The following PAK2 variants were observed in gnomAD, a reference collection of about 807,000 sequenced individuals.
PAK2 encodes the protein serine/threonine-protein kinase PAK 2.
In PAK2, 21 loss-of-function variants were observed where a neutral mutation model predicts 65.9. That is an observed-to-expected ratio of 0.32 (90% CI 0.23 to 0.46). The LOEUF (loss-of-function observed/expected upper bound fraction) is 0.46, where lower values mean the gene tolerates loss of function less well. Among genes scored for constraint, PAK2 ranks in the 20% least tolerant of loss-of-function variants. PAK2 has a pLI of 1.00. For missense variants in PAK2, 324 were observed against 642.6 expected, an observed-to-expected ratio of 0.50 and a Z score of 5.36; for synonymous variants, 204 against 219.7, an observed-to-expected ratio of 0.93 and a Z score of 0.63.
At chr3:196,799,259 T>C (rs1218760117) in intron 2 of PAK2, among the ~76,000 whole-genome samples, 1 of 152,164 alleles carries the variant, frequency 6.6e-6, no homozygotes, top group Non-Finnish European at 1.5e-5. Flanking sequence ...CAATGAATGA[T>C]TAAAAAGGGA....
intron 11 of PAK2, among the ~76,000 whole-genome samples, chr3:196,815,686 C>A (rs888852527): frequency 6.6e-6 from 1 of 151,658 alleles, no homozygotes; most frequent in Non-Finnish European, 1.5e-5. Flanking sequence ...ACTCGGGAGG[C>A]TGAGACGGGA....
chr3:196,782,787 A>G lies in PAK2; in HGVS notation c.141A>G (p.Lys47=). 1 of 1,613,726 alleles carries G rather than the reference A, an allele frequency of 6.2e-7. No homozygotes were observed. Among genetic ancestry groups the G allele is most frequent in the Non-Finnish European group, 8.5e-7 (1 of 1,179,822 alleles). ...LKPLPSVPEE[K]KPRHKIISIF... ...CTTTGCCCTCTGTTCCAGAAGAGAAAAAGCCCAGGCATAAAATCATCTCCA... is the reference window on the plus strand; with the variant it reads ...CTTTGCCCTCTGTTCCAGAAGAGAAGAAGCCCAGGCATAAAATCATCTCCA... Residue 47 remains lysine (K), a synonymous_variant, in exon 2 of 15, where the codon AAA becomes AAG. Transcript: ENST00000327134.
chr3:196,764,601 A>C (rs1017552189), intron 1 of PAK2, among the ~76,000 whole-genome samples: 5 of 150,992 alleles, frequency 3.3e-5, no homozygotes, highest in African/African-American at 9.8e-5. Context: ...CCTGGGTGAC[A>C]GAGCGAGACT....
chr3:196,789,482 C>CTTTTT (rs60083205), intron 2 of PAK2, among the ~76,000 whole-genome samples: 1 of 150,454 alleles, frequency 6.6e-6, no homozygotes, highest in Non-Finnish European at 1.5e-5. Context: ...TTTCTTTTTT[C>CTTTTT]TTTTTTGTTT....
chr3:196,826,389 C>G (rs66806908), intron 13 of PAK2, among the ~76,000 whole-genome samples: 138,599 of 151,870 alleles, frequency 0.91, 63,484 homozygotes, highest in East Asian at 1. Context: ...AGTCAGGATG[C>G]TCTCAATCTC....
chr3:196,826,037 C>T (rs918884212), intron 13 of PAK2, among the ~76,000 whole-genome samples: 3 of 149,936 alleles, frequency 2.0e-5, no homozygotes, highest in Non-Finnish European at 3.0e-5. Flanking sequence ...TTTTTAGTAG[C>T]GATGGGGTTT....
At chr3:196,802,547 A>G (rs574778127) in intron 3 of PAK2, among the ~76,000 whole-genome samples, 2 of 152,154 alleles carry the variant, frequency 1.3e-5, no homozygotes, top group East Asian at 1.9e-4. Flanking sequence ...ACAGACTTAG[A>G]AAAAATAGAC....
chr3:196,807,860 G>A lies in PAK2; in HGVS notation c.655G>A (p.Asp219Asn). Residue 219 changes from aspartate to asparagine, a missense_variant, in exon 7 of 15, where the codon GAC becomes AAC. Asp to Asn is a conservative substitution (Grantham distance 23). This residue lies in a region of PAK2 where 183 missense variants were observed against 246.2 expected (regional missense o/e 0.74). Transcript: ENST00000327134. Reference protein sequence around the residue: ...SHVDGAAKSLDKQKKKTKMTD... With the variant: ...SHVDGAAKSLNKQKKKTKMTD... ...TGTTGATGGTGCTGCCAAGTCTTTA[G>A]ACAAACAGAAAAAGAAGACTAAGAT... is the stretch of plus-strand genomic sequence containing the variant. 1 of 1,611,314 alleles carries A rather than the reference G, an allele frequency of 6.2e-7. No individual in the cohort carries two copies. The highest frequency in any genetic ancestry group is 8.5e-7 in the Non-Finnish European group (1 of 1,177,688).
intron 10 of PAK2, among the ~76,000 whole-genome samples, chr3:196,813,818 C>T (rs1009146778): frequency 4.0e-5 from 6 of 151,882 alleles, no homozygotes; most frequent in African/African-American, 1.2e-4. Flanking sequence ...GGCATGGTGC[C>T]GCACACCTGT....
intron 4 of PAK2, 69 bp downstream of exon 4, chr3:196,803,233 C>G: frequency 7.9e-7 from 1 of 1,262,584 alleles, no homozygotes; most frequent in Non-Finnish European, 1.1e-6. Flanking sequence ...AAGATTACTC[C>G]TGGAAAAATG....
At chr3:196,779,850 T>C (rs1714649566) in intron 1 of PAK2, among the ~76,000 whole-genome samples, 1 of 152,224 alleles carries the variant, frequency 6.6e-6, no homozygotes, top group African/African-American at 2.4e-5. Flanking sequence ...TTTGTATTTT[T>C]CGTAGAGACA....
chr3:196,808,987 G>A (rs142627121), intron 7 of PAK2, among the ~76,000 whole-genome samples: 14 of 151,934 alleles, frequency 9.2e-5, no homozygotes, highest in South Asian at 2.1e-4. Context: ...CTATAATCTC[G>A]GTACGTTGGC....
intron 1 of PAK2, among the ~76,000 whole-genome samples, chr3:196,756,421 G>A (rs1239106773): frequency 2.0e-5 from 3 of 152,088 alleles, no homozygotes; most frequent in Non-Finnish European, 4.4e-5. Flanking sequence ...GCGTTCCACT[G>A]GGCCCTGTCA....
chr3:196,782,640 C>T lies in PAK2; in HGVS notation c.-7C>T. 1 of 1,556,498 alleles carries T rather than the reference C, an allele frequency of 6.4e-7. No individual in the cohort carries two copies. Among genetic ancestry groups the T allele is most frequent in the Non-Finnish European group, 8.7e-7 (1 of 1,144,372 alleles). ...TCCAATTCCAGGCCATTTCATAATT[C>T]TGAATCATGTCTGATAACGGAGAAC... On this transcript the variant is annotated 5_prime_UTR_variant, in exon 2 of 15. Transcript: ENST00000327134.
intron 1 of PAK2, among the ~76,000 whole-genome samples, chr3:196,755,274 G>T (rs1235822319): frequency 2.0e-5 from 3 of 151,970 alleles, no homozygotes; most frequent in Non-Finnish European, 4.4e-5. Context: ...TTTCACTTTG[G>T]TAGTAGGAGA....
chr3:196,779,820 GCCA>G (rs1560101512), intron 1 of PAK2, among the ~76,000 whole-genome samples: 1 of 152,102 alleles, frequency 6.6e-6, no homozygotes, highest in Non-Finnish European at 1.5e-5. Context: ...ACAGGCGTGC[GCCA>G]CCACACCTGA....
At chr3:196,792,762 A>G (rs937632906) in intron 2 of PAK2, among the ~76,000 whole-genome samples, 3 of 152,002 alleles carry the variant, frequency 2.0e-5, no homozygotes, top group African/African-American at 7.3e-5. Context: ...GAAGCATTCT[A>G]TTTACTCTCC....
intron 2 of PAK2, among the ~76,000 whole-genome samples, chr3:196,793,680 G>A (rs550704521): frequency 5.3e-5 from 8 of 152,082 alleles, no homozygotes; most frequent in East Asian, 3.8e-4. Flanking sequence ...CTGTATAATC[G>A]TCAAAGAGAG....
At position 196,782,616 on chromosome 3, in the gene PAK2, C is replaced by T; in HGVS notation, c.-21-10C>T. ...TACTTTGTTACTAATTGTATTTTTT[C>T]CAATTCCAGGCCATTTCATAATTCT... On this transcript the variant is annotated splice_polypyrimidine_tract_variant and intron_variant, in intron 1 of 14. Coordinates refer to ENST00000327134, the MANE Select transcript of PAK2 (RefSeq NM_002577.4). The T allele has an allele frequency of 7.2e-7, 1 of 1,383,000 alleles. No homozygotes were observed. Among genetic ancestry groups the T allele is most frequent in the Non-Finnish European group, 9.9e-7 (1 of 1,007,406 alleles). The allele number at this position is 1,383,000 out of a possible 1,614,324, so 85.7% of individuals were successfully genotyped here. A position where few individuals can be genotyped will look rare whatever the true frequency, so the allele number is the denominator to read the frequency against.
Sources: allele counts gnomAD v4.1 joint callset (sites outside exome capture counted in the v4.1 genomes callset), GRCh38; gene constraint gnomAD v4.1.1; regional missense constraint gnomAD v4.1.1; transcripts MANE v1.5; gene names NCBI Gene and HGNC (gene_info 2026-07-23, HGNC 2026-07-21).